MIB1: variants seen among roughly 807,000 people sequenced by gnomAD.
MIB1 encodes the protein E3 ubiquitin-protein ligase MIB1.
MIB1 carries 278 observed loss-of-function variants against 124.5 expected under a neutral mutation model. That is an observed-to-expected ratio of 2.23 (90% CI 2.02 to 2.47). The LOEUF (loss-of-function observed/expected upper bound fraction) is 2.47. MIB1 is among the 30% of genes most tolerant of loss of function. The pLI is 0.00. For synonymous variants in MIB1, 446 were observed against 429.4 expected (o/e 1.04, Z -0.48); for missense variants, 957 against 1,254.4 (o/e 0.76, Z 3.58).
intron 19 of MIB1, among the ~76,000 whole-genome samples, chr18:21,857,451 A>G (rs2042239578): frequency 6.6e-6 from 1 of 152,250 alleles, no homozygotes; most frequent in Non-Finnish European, 1.5e-5. Context: ...AACTGTGAAC[A>G]TCAGTCTTCT....
At chr18:21,830,366 A>G (rs1598631970) in intron 12 of MIB1, among the ~76,000 whole-genome samples, 2 of 152,212 alleles carry the variant, frequency 1.3e-5, no homozygotes, top group African/African-American at 4.8e-5. Context: ...AATCTGAAAC[A>G]ATAATGACTA....
At chr18:21,825,775 C>T (rs1395579733) in intron 12 of MIB1, 1 of 522,576 alleles carries the variant, frequency 1.9e-6, no homozygotes, top group Non-Finnish European at 3.9e-6. Context: ...CCAGCTCTAG[C>T]AAAGCATTGT....
At chr18:21,733,193 T>A (rs2040780239) in intron 1 of MIB1, among the ~76,000 whole-genome samples, 1 of 152,242 alleles carries the variant, frequency 6.6e-6, no homozygotes, top group Non-Finnish European at 1.5e-5. Flanking sequence ...TCTGCTCTTG[T>A]CTGCAGCTGA....
At chr18:21,749,745 G>T (rs2040953047) in intron 1 of MIB1, among the ~76,000 whole-genome samples, 1 of 146,148 alleles carries the variant, frequency 6.8e-6, no homozygotes, top group African/African-American at 2.6e-5. Flanking sequence ...GGTTCAAGTG[G>T]TTCTCCTGCC....
At chr18:21,762,742 T>C (rs902206948) in intron 1 of MIB1, among the ~76,000 whole-genome samples, 2 of 152,210 alleles carry the variant, frequency 1.3e-5, no homozygotes, top group Non-Finnish European at 2.9e-5. Flanking sequence ...TTCAAATTAC[T>C]TTAGTTACTT....
chr18:21,762,356 T>A (rs1352649974), intron 1 of MIB1, among the ~76,000 whole-genome samples: 1 of 152,230 alleles, frequency 6.6e-6, no homozygotes, highest in Non-Finnish European at 1.5e-5. Context: ...ACTATTATTA[T>A]GTAAATTATG....
intron 12 of MIB1, chr18:21,828,023 G>C (rs1487860801): frequency 2.6e-5 from 4 of 151,982 alleles, no homozygotes; most frequent in Non-Finnish European, 5.9e-5. Context: ...ATTTTGCTAA[G>C]AGCATTATTT....
rs1189385539 is a variant in MIB1 at position 21,815,052 on chromosome 18, TATATAA to T, written c.1480-562_1480-557del. On this transcript the variant is annotated intron_variant, in intron 10 of 20. Coordinates refer to ENST00000261537, the MANE Select transcript of MIB1 (RefSeq NM_020774.4). ...ATATATATATATATATATATATATATATATAAAATTATATATAAATGTATATATATA... is the reference window on the plus strand; with the variant it reads ...ATATATATATATATATATATATATATAATTATATATAAATGTATATATATA... Among the ~76,000 whole-genome samples the T allele has an allele frequency of 1.2e-4, 14 of 118,178 alleles. No individual in the cohort carries two copies. In the South Asian group the frequency reaches 1.3e-3, roughly 11 times the overall value. The allele number at this position is 118,178 out of a possible 152,430, so 77.5% of individuals were successfully genotyped here. A position where few individuals can be genotyped will look rare whatever the true frequency, so the allele number is the denominator to read the frequency against.
intron 6 of MIB1, 122 bp downstream of exon 6, chr18:21,779,807 TA>T (rs1199778756): frequency 5.3e-6 from 4 of 753,096 alleles, no homozygotes; most frequent in Non-Finnish European, 6.7e-6. Flanking sequence ...AGATGGTAAG[TA>T]AAAATCCAGA....
chr18:21,761,710 C>T (rs111243531), intron 1 of MIB1, among the ~76,000 whole-genome samples: 2,855 of 152,276 alleles, frequency 0.019, 41 homozygotes, highest in East Asian at 0.069. Context: ...AGGCAGATGT[C>T]GCTTGTCTGT....
At chr18:21,849,416 T>A (rs761487269) in intron 17 of MIB1, 28 bp downstream of exon 17, 14 of 1,357,566 alleles carry the variant, frequency 1.0e-5, no homozygotes, top group Middle Eastern at 4.4e-4. Flanking sequence ...TAGTATTTTG[T>A]CATTTTATGA....
intron 13 of MIB1, 137 bp downstream of exon 13, chr18:21,838,634 G>A (rs145111534): frequency 1.6e-6 from 1 of 624,738 alleles, no homozygotes; most frequent in Non-Finnish European, 2.7e-6. Context: ...TGAAAATTCA[G>A]ATATAATGCA....
intron 18 of MIB1, 21 bp downstream of exon 18, chr18:21,853,239 T>A: frequency 6.7e-7 from 1 of 1,498,580 alleles, no homozygotes; most frequent in South Asian, 1.2e-5. Context: ...TATGCAGAGT[T>A]CCTCAATATT....
chr18:21,829,035 C>T (rs1273198863), intron 12 of MIB1: 1 of 483,586 alleles, frequency 2.1e-6, no homozygotes, highest in Admixed American at 2.2e-5. Context: ...CTTTACATTC[C>T]ATAGCATTGT....
intron 20 of MIB1, among the ~76,000 whole-genome samples, chr18:21,859,803 C>T (rs1168289796): frequency 1.3e-4 from 19 of 143,344 alleles, no homozygotes; most frequent in African/African-American, 4.4e-4. Flanking sequence ...TCAGGAGAGT[C>T]GCTTGAACCC....
At position 21,864,532 on chromosome 18, in the gene MIB1, T is replaced by G; in HGVS notation, c.2887T>G (p.Cys963Gly). The G allele has an allele frequency of 6.2e-7, 1 of 1,612,170 alleles. No individual in the cohort carries two copies. Among genetic ancestry groups the G allele is most frequent in the Non-Finnish European group, 8.5e-7 (1 of 1,178,488 alleles). Reference sequence around the variant, plus strand: ...TTGTTATCTCACATTACAGACAATGTGCCCTGTGTGTCTAGATCGTCTGAA... The same window carrying G: ...TTGTTATCTCACATTACAGACAATGGGCCCTGTGTGTCTAGATCGTCTGAA... ...QLQDIKEQTM[C>G]PVCLDRLKNM... Residue 963 changes from cysteine (C) to glycine (G), a missense_variant, in exon 21 of 21, where the codon TGC becomes GGC. Coordinates refer to ENST00000261537, the MANE Select transcript of MIB1 (RefSeq NM_020774.4).
At chr18:21,721,040 G>A (rs930798940) in intron 1 of MIB1, among the ~76,000 whole-genome samples, 1 of 151,336 alleles carries the variant, frequency 6.6e-6, no homozygotes, top group African/African-American at 2.4e-5. Flanking sequence ...ATGGTACTGG[G>A]GTACATGGAC....
At position 21,815,688 on chromosome 18, in the gene MIB1, C is replaced by A. The variant is rs769209279; in HGVS notation, c.1552C>A (p.Arg518=). Reference sequence around the variant, plus strand: ...AGGCGCTGTTATAGAAGTACTACATCGAGGTAGTGCTGATTTGAATGCTCG... The same window carrying A: ...AGGCGCTGTTATAGAAGTACTACATAGAGGTAGTGCTGATTTGAATGCTCG... The part of the protein sequence containing the change: ...DEGAVIEVLH[R]GSADLNARNK... Residue 518 remains arginine, a synonymous_variant, in exon 11 of 21, where the codon CGA becomes AGA. Transcript: ENST00000261537. 1.5e-5 allele frequency: 24 copies of A among 1,614,002 alleles called. No homozygotes were observed. Among genetic ancestry groups the A allele is most frequent in the Middle Eastern group, 1.6e-4 (1 of 6,084 alleles).
intron 6 of MIB1, among the ~76,000 whole-genome samples, chr18:21,783,508 A>G (rs935078540): frequency 1.3e-5 from 2 of 151,842 alleles, no homozygotes; most frequent in Non-Finnish European, 2.9e-5. Context: ...CTCCCAAAGT[A>G]CTGGGATTAC....
Sources: allele counts gnomAD v4.1 joint callset (sites outside exome capture counted in the v4.1 genomes callset), GRCh38; gene constraint gnomAD v4.1.1; transcripts MANE v1.5; gene names NCBI Gene and HGNC (gene_info 2026-07-23, HGNC 2026-07-21).